The following SCUBE1 variants were observed in gnomAD, a reference collection of about 807,000 sequenced individuals.
The protein encoded by SCUBE1 is signal peptide, CUB domain and EGF like domain containing 1.
In SCUBE1, 59 loss-of-function variants were observed where a neutral mutation model predicts 124.4. The ratio of observed to expected loss-of-function variants is 0.47; its 90% CI spans 0.38 to 0.59. The LOEUF is 0.59. SCUBE1 is among the 20% of genes least tolerant of loss of function. The pLI is 0.00. For synonymous variants in SCUBE1, 545 were observed against 550.9 expected (o/e 0.99, Z 0.15); for missense variants, 1,150 against 1,371.2 (o/e 0.84, Z 2.55).
Position 43,218,389 on chromosome 22 carries a change from C to A in SCUBE1, c.1757G>T (p.Arg586Leu). 1 of 1,613,490 alleles carries A rather than the reference C, an allele frequency of 6.2e-7. No individual in the cohort carries two copies. Among genetic ancestry groups the A allele is most frequent in the South Asian group, 1.1e-5 (1 of 91,086 alleles). Residue 586 changes from arginine (R) to leucine (L), a missense_variant, in exon 15 of 22, where the codon CGC becomes CTC. Physicochemically the swap from Arg to Leu is moderately radical, Grantham distance 102 (BLOSUM62 -2). This residue lies in a region of SCUBE1 where 757 missense variants were observed against 840.9 expected (regional missense o/e 0.90). Transcript: ENST00000360835. ...GAACTGCTGCCGGCCGATGGACTTG[C>A]GCAGGGTCTTGATGGCGGCCTGCAG... The part of the protein sequence containing the change: ...QSLQAAIKTL[R>L]KSIGRQQFYV...
chr22:43,251,055 G>A (rs1923426254), intron 6 of SCUBE1, among the ~76,000 whole-genome samples: 1 of 152,176 alleles, frequency 6.6e-6, no homozygotes, highest in South Asian at 2.1e-4. Context: ...AGGGCTGTGG[G>A]GGAGACTCAC....
At chr22:43,276,950 C>T (rs1392668960) in intron 4 of SCUBE1, among the ~76,000 whole-genome samples, 2 of 152,176 alleles carry the variant, frequency 1.3e-5, no homozygotes, top group African/African-American at 4.8e-5. Flanking sequence ...CTGCTCCCTA[C>T]AGACCCCAGG....
At chr22:43,222,203 C>T (rs952014418) in intron 12 of SCUBE1, among the ~76,000 whole-genome samples, 5 of 152,338 alleles carry the variant, frequency 3.3e-5, no homozygotes, top group African/African-American at 7.2e-5. Context: ...TGTGCCATGC[C>T]GACCAAGCCC....
At position 43,203,180 on chromosome 22, in the gene SCUBE1, C is replaced by T. The variant is rs568134563; in HGVS notation, c.*817G>A. 6.6e-6 allele frequency: 1 copy of T among 152,126 alleles called. No individual in the cohort carries two copies. The highest frequency in any genetic ancestry group is 6.5e-5 in the Admixed American group (1 of 15,268). 9.4% of individuals were successfully genotyped at this position (152,126 alleles called of 1,614,324 possible). On this transcript the variant is annotated 3_prime_UTR_variant, in exon 22 of 22. Transcript: ENST00000360835. ...AAGGCAAGCTGTGCTCTCCCCAGCC[C>T]CAAGGGCTGCCGGCCTCACAGAAAC...
intron 4 of SCUBE1, among the ~76,000 whole-genome samples, chr22:43,288,124 G>T (rs10483218): frequency 0.029 from 4,422 of 152,294 alleles, 197 homozygotes; most frequent in East Asian, 0.22. Context: ...CACAAAAATC[G>T]TAAGGAGAGA....
chr22:43,224,613 G>A (rs916256), intron 10 of SCUBE1, among the ~76,000 whole-genome samples: 86,214 of 151,916 alleles, frequency 0.57, 24,468 homozygotes, highest in South Asian at 0.66. Flanking sequence ...AACTAGGCAG[G>A]GCTTTCCTTG....
At chr22:43,207,740 A>C (rs559749805) in intron 20 of SCUBE1, 127 bp from the exon 21 acceptor site, 15 of 765,508 alleles carry the variant, frequency 2.0e-5, no homozygotes, top group Middle Eastern at 3.4e-4. Flanking sequence ...GGCTGGCCGC[A>C]GCTCTGCCTC....
At chr22:43,341,660 A>G (rs1927320395) in intron 1 of SCUBE1, among the ~76,000 whole-genome samples, 2 of 152,106 alleles carry the variant, frequency 1.3e-5, no homozygotes, top group South Asian at 4.1e-4. Context: ...TGGGAGTTTG[A>G]GGAGAGAGAG....
intron 2 of SCUBE1, among the ~76,000 whole-genome samples, chr22:43,337,315 G>A (rs977726596): frequency 1.3e-5 from 2 of 152,108 alleles, no homozygotes; most frequent in Admixed American, 6.6e-5. Flanking sequence ...GGGGACAGCA[G>A]GAGAGGGCCT....
At chr22:43,221,668 T>C (rs1183587547) in intron 12 of SCUBE1, among the ~76,000 whole-genome samples, 4 of 152,224 alleles carry the variant, frequency 2.6e-5, no homozygotes, top group African/African-American at 7.2e-5. Context: ...TGAAATACTA[T>C]AGATCCAGGA....
chr22:43,333,461 G>C (rs1926965802), intron 2 of SCUBE1, among the ~76,000 whole-genome samples: 1 of 152,194 alleles, frequency 6.6e-6, no homozygotes, highest in Admixed American at 6.5e-5. Context: ...AAGAGAAACT[G>C]TTCCCAGAAT....
At chr22:43,319,558 CAAAAAAAAAAAA>C (rs35230785) in intron 3 of SCUBE1, among the ~76,000 whole-genome samples, 1 of 55,198 alleles carries the variant, frequency 1.8e-5, no homozygotes, top group Non-Finnish European at 3.1e-5. Flanking sequence ...GACTCCATCT[CAAAAAAAAAAAA>C]AAAAAAAAAA....
chr22:43,279,512 C>G (rs1427977877), intron 4 of SCUBE1, among the ~76,000 whole-genome samples: 1 of 152,252 alleles, frequency 6.6e-6, no homozygotes, highest in African/African-American at 2.4e-5. Context: ...GCAGCCCTCA[C>G]CAGACAGTGA....
In SCUBE1 at chr22:43,203,906, G is replaced by A. The variant is rs1018941616; in HGVS notation, c.*91C>T. 1.0e-5 allele frequency: 14 copies of A among 1,369,232 alleles called. No individual in the cohort carries two copies. The African/African-American group carries it at 1.6e-4, about 15-fold the overall frequency. The allele number at this position is 1,369,232 out of a possible 1,614,324, so 84.8% of individuals were successfully genotyped here. On this transcript the variant is annotated 3_prime_UTR_variant, in exon 22 of 22. Transcript: ENST00000360835. ...AAGGGCAGTGCCATGGGGTTCCCAA[G>A]GTGGTGTGGAGGCCCATGCAGCTCC...
intron 3 of SCUBE1, among the ~76,000 whole-genome samples, chr22:43,302,981 C>T (rs764466793): frequency 1.3e-5 from 2 of 152,206 alleles, no homozygotes; most frequent in Non-Finnish European, 2.9e-5. Context: ...AACCAAACTT[C>T]CCCGAACCAA....
At chr22:43,225,504 CGGT>C (rs552646379) in intron 10 of SCUBE1, among the ~76,000 whole-genome samples, 24 of 151,322 alleles carry the variant, frequency 1.6e-4, no homozygotes, top group African/African-American at 5.6e-4. Context: ...CGGCCGGGCT[CGGT>C]GGCTCACGCC....
intron 4 of SCUBE1, among the ~76,000 whole-genome samples, chr22:43,281,484 C>CAGCCA (rs1569010774): frequency 2.0e-5 from 2 of 100,080 alleles, no homozygotes; most frequent in Admixed American, 9.0e-5. Context: ...TCACCTCCCT[C>CAGCCA]TTTGGCCACC....
At chr22:43,245,862 C>A (rs893806219) in intron 6 of SCUBE1, among the ~76,000 whole-genome samples, 1 of 152,226 alleles carries the variant, frequency 6.6e-6, no homozygotes, top group African/African-American at 2.4e-5. Context: ...AGGCAGCAGG[C>A]GGGGCCTCAA....
At chr22:43,289,945 G>A (rs909870822) in intron 4 of SCUBE1, among the ~76,000 whole-genome samples, 1 of 152,172 alleles carries the variant, frequency 6.6e-6, no homozygotes, top group Non-Finnish European at 1.5e-5. Context: ...TCCCAGGAAC[G>A]CCCTCTATGC....
Sources: gnomAD v4.1 joint callset for allele counts (sites outside exome capture counted in the v4.1 genomes callset) on GRCh38, gnomAD v4.1.1 for gene constraint, gnomAD v4.1.1 regional missense constraint, MANE v1.5 for transcripts, NCBI Gene and HGNC (gene_info 2026-07-23, HGNC 2026-07-21) for gene names.